ZNRF3: variants seen among roughly 807,000 people sequenced by gnomAD.
ZNRF3 encodes zinc and ring finger 3.
Under a neutral mutation model 72.5 loss-of-function variants are expected in ZNRF3, and 23 were observed. The ratio of observed to expected loss-of-function variants is 0.32; its 90% CI spans 0.23 to 0.45. The LOEUF is 0.45. Ranked by LOEUF, ZNRF3 falls within the 20% of genes least tolerant of loss-of-function variation. ZNRF3 has a pLI of 1.00. For missense variants in ZNRF3, 1,169 were observed against 1,272.1 expected, an observed-to-expected ratio of 0.92 and a Z score of 1.23; for synonymous variants, 610 against 545.3, an observed-to-expected ratio of 1.12 and a Z score of -1.65.
intron 2 of ZNRF3, among the ~76,000 whole-genome samples, chr22:29,024,711 A>G (rs2123864267): frequency 6.6e-6 from 1 of 152,282 alleles, no homozygotes; most frequent in Middle Eastern, 3.4e-3. Flanking sequence ...TGTTAAATTA[A>G]TGAATATTTT....
chr22:28,941,981 C>A (rs1045971426), intron 1 of ZNRF3, among the ~76,000 whole-genome samples: 2 of 152,152 alleles, frequency 1.3e-5, no homozygotes, highest in South Asian at 2.1e-4. Context: ...ACAACAACAA[C>A]AAAAACAAAC....
At chr22:29,016,129 CT>C (rs1322929585) in intron 2 of ZNRF3, among the ~76,000 whole-genome samples, 1 of 152,146 alleles carries the variant, frequency 6.6e-6, no homozygotes, top group Non-Finnish European at 1.5e-5. Flanking sequence ...AATGATGCCC[CT>C]GGTACTAGTG....
intron 2 of ZNRF3, among the ~76,000 whole-genome samples, chr22:29,005,926 C>T (rs533059105): frequency 1.3e-5 from 2 of 151,862 alleles, no homozygotes; most frequent in South Asian, 2.1e-4. Flanking sequence ...TCTCAGCTAT[C>T]GGGAGGCTGA....
chr22:28,910,120 C>T (rs1010714345), intron 1 of ZNRF3, among the ~76,000 whole-genome samples: 4 of 151,896 alleles, frequency 2.6e-5, no homozygotes, highest in African/African-American at 9.7e-5. Context: ...ACTGCAACCT[C>T]TGCCTCCTGG....
intron 2 of ZNRF3, 152 bp from the exon 3 acceptor site, chr22:29,042,343 T>C (rs1271922654): frequency 2.1e-5 from 13 of 611,356 alleles, no homozygotes; most frequent in Non-Finnish European, 8.7e-6. Flanking sequence ...GATGGGAAAA[T>C]TGAGGATTAG....
At chr22:29,021,088 A>G (rs1029970438) in intron 2 of ZNRF3, among the ~76,000 whole-genome samples, 5 of 151,718 alleles carry the variant, frequency 3.3e-5, no homozygotes, top group East Asian at 3.9e-4. Context: ...GAGCCACTGC[A>G]CTCGGCCTGT....
At position 29,040,186 on chromosome 22, in the gene ZNRF3, C is replaced by CT. The variant is rs955618996; in HGVS notation, c.427-2298dup. The stretch of plus-strand genomic sequence containing the variant: ...GGCGGCCTCCCTGCACCCCCTCCCC[C>CT]TTTTTTTTTTTGAGGCAGAGTCTCA... On this transcript the variant is annotated intron_variant, in intron 2 of 8. Coordinates refer to ENST00000544604, the MANE Select transcript of ZNRF3 (RefSeq NM_001206998.2). Among the ~76,000 whole-genome samples, 516 of 145,832 alleles carry CT rather than the reference C, an allele frequency of 3.5e-3. 1 individual carries two copies. The highest frequency in any genetic ancestry group is 7.1e-3 in the Middle Eastern group (2 of 282).
chr22:28,961,392 T>C (rs932588578), intron 1 of ZNRF3, among the ~76,000 whole-genome samples: 1 of 152,118 alleles, frequency 6.6e-6, no homozygotes, highest in Admixed American at 6.5e-5. Flanking sequence ...AGAACACACA[T>C]GTGATAGTTG....
rs567866217 is a variant in ZNRF3, at chr22:28,952,145, A to T, written c.301-34931A>T. 8.7e-4 allele frequency among the ~76,000 whole-genome samples: 132 copies of T among 152,366 alleles called. 2 individuals carry two copies. In the South Asian group the frequency reaches 0.023, roughly 27 times the overall value. ...CAAGAAAAGCGAGCTGCTGGATGGA[A>T]TGCTCAGGGCCCCAAAACATTACTC... On this transcript the variant is annotated intron_variant, in intron 1 of 8. Coordinates refer to ENST00000544604, the MANE Select transcript of ZNRF3 (RefSeq NM_001206998.2).
At chr22:28,925,068 C>T (rs1601564370) in intron 1 of ZNRF3, among the ~76,000 whole-genome samples, 1 of 152,172 alleles carries the variant, frequency 6.6e-6, no homozygotes. Context: ...TCAGTGAAAC[C>T]CTGTACCATA....
rs531219641 is a variant in ZNRF3 at position 28,896,375 on chromosome 22, C to T, written c.300+12309C>T. ...GTCTCGATCTCTTGACCTCGTGATC[C>T]GCCCGCCTCGGCCTCCCAAAGTGCT... On this transcript the variant is annotated intron_variant, in intron 1 of 8. Transcript: ENST00000544604. Among the ~76,000 whole-genome samples the T allele has an allele frequency of 4.6e-5, 7 of 152,128 alleles. No homozygotes were observed. The South Asian group carries it at 6.2e-4, about 14-fold the overall frequency.
chr22:28,975,773 C>T (rs13055470), intron 1 of ZNRF3, among the ~76,000 whole-genome samples: 37,704 of 151,894 alleles, frequency 0.25, 5,861 homozygotes, highest in Middle Eastern at 0.39. Flanking sequence ...GTTATTTCCT[C>T]GGGGTCTGTT....
chr22:28,938,122 T>G (rs1231273153), intron 1 of ZNRF3, among the ~76,000 whole-genome samples: 1 of 152,180 alleles, frequency 6.6e-6, no homozygotes. Flanking sequence ...AGAGTGCCTC[T>G]TCACTCCTAC....
At chr22:28,985,354 T>C (rs1167577064) in intron 1 of ZNRF3, among the ~76,000 whole-genome samples, 1 of 152,114 alleles carries the variant, frequency 6.6e-6, no homozygotes, top group Non-Finnish European at 1.5e-5. Flanking sequence ...ATATCATCTC[T>C]TAGCAACTCC....
chr22:28,923,415 C>T (rs921872155), intron 1 of ZNRF3, among the ~76,000 whole-genome samples: 1 of 152,048 alleles, frequency 6.6e-6, no homozygotes, highest in Non-Finnish European at 1.5e-5. Flanking sequence ...TGTGATCTAC[C>T]CTCACACCCG....
At chr22:28,957,952 C>T (rs186303128) in intron 1 of ZNRF3, among the ~76,000 whole-genome samples, 65 of 151,942 alleles carry the variant, frequency 4.3e-4, no homozygotes, top group African/African-American at 9.2e-4. Flanking sequence ...CTTTGGGAGG[C>T]CGAGGCGGGC....
intron 1 of ZNRF3, among the ~76,000 whole-genome samples, chr22:28,886,867 G>A (rs1269312275): frequency 3.9e-5 from 6 of 151,986 alleles, no homozygotes; most frequent in African/African-American, 1.5e-4. Context: ...GAGGTGGGAG[G>A]ATTGCTTGAG....
At chr22:28,943,660 A>G (rs541386092) in intron 1 of ZNRF3, among the ~76,000 whole-genome samples, 2 of 151,812 alleles carry the variant, frequency 1.3e-5, no homozygotes, top group Non-Finnish European at 2.9e-5. Flanking sequence ...TTTTATTATA[A>G]TGTGATTAAC....
chr22:28,910,624 C>T (rs760196787), intron 1 of ZNRF3, among the ~76,000 whole-genome samples: 5 of 152,074 alleles, frequency 3.3e-5, no homozygotes, highest in African/African-American at 9.7e-5. Flanking sequence ...ACAGAATCAC[C>T]GAGTGAATGC....
Sources: allele counts gnomAD v4.1 joint callset (sites outside exome capture counted in the v4.1 genomes callset), GRCh38; gene constraint gnomAD v4.1.1; transcripts MANE v1.5; gene names NCBI Gene and HGNC (gene_info 2026-07-23, HGNC 2026-07-21).